The following CADM1 variants were observed in gnomAD, a reference collection of about 807,000 sequenced individuals.
The protein encoded by CADM1 is TSLC-1.
In CADM1, 15 loss-of-function variants were observed where a neutral mutation model predicts 53.1. The observed-to-expected ratio is 0.28, with a 90% CI of 0.19 to 0.44. The LOEUF is 0.44. Ranked by LOEUF, CADM1 falls within the 20% of genes least tolerant of loss-of-function variation. The probability of loss-of-function intolerance (pLI) is 1.00; values close to 1 mark genes in which losing one functional copy is unlikely to be tolerated. For missense variants in CADM1, 434 were observed against 611.3 expected (o/e 0.71, Z 3.06); for synonymous variants, 281 against 243.0 (o/e 1.16, Z -1.45).
At chr11:115,327,242 G>A (rs1483677718) in intron 1 of CADM1, among the ~76,000 whole-genome samples, 2 of 152,054 alleles carry the variant, frequency 1.3e-5, no homozygotes, top group African/African-American at 4.8e-5. Flanking sequence ...ACTTACTTGA[G>A]GTAATAAGCA....
At chr11:115,181,598 G>C (rs577922275) in intron 10 of CADM1, among the ~76,000 whole-genome samples, 54 of 152,110 alleles carry the variant, frequency 3.6e-4, no homozygotes, top group Non-Finnish European at 6.6e-4. Flanking sequence ...TGCCGGTTAC[G>C]AGCGCCTCAC....
At chr11:115,296,812 CTCTTA>C (rs1944090331) in intron 1 of CADM1, among the ~76,000 whole-genome samples, 1 of 152,056 alleles carries the variant, frequency 6.6e-6, no homozygotes, top group Non-Finnish European at 1.5e-5. Context: ...TATAATGTTT[CTCTTA>C]TAATTAATCT....
chr11:115,486,648 A>T (rs1215705175), intron 1 of CADM1, among the ~76,000 whole-genome samples: 2 of 152,140 alleles, frequency 1.3e-5, no homozygotes, highest in African/African-American at 4.8e-5. Context: ...CCTGGCCTTG[A>T]ATTTCATTTA....
chr11:115,445,544 C>T (rs367726384), intron 1 of CADM1, among the ~76,000 whole-genome samples: 12 of 151,958 alleles, frequency 7.9e-5, no homozygotes, highest in African/African-American at 2.9e-4. Flanking sequence ...CCGAAAGTTA[C>T]TAACAAGAAA....
At chr11:115,408,914 T>C (rs181764488) in intron 1 of CADM1, among the ~76,000 whole-genome samples, 67 of 152,278 alleles carry the variant, frequency 4.4e-4, no homozygotes, top group African/African-American at 1.4e-3. Flanking sequence ...TGGAATGAAA[T>C]AGATTTTCGT....
At chr11:115,452,688 A>G (rs1948600719) in intron 1 of CADM1, among the ~76,000 whole-genome samples, 2 of 152,200 alleles carry the variant, frequency 1.3e-5, no homozygotes, top group African/African-American at 4.8e-5. Context: ...TAAAAATAAG[A>G]CCAGCACAAA....
At chr11:115,220,137 G>C (rs1941350896) in intron 5 of CADM1, among the ~76,000 whole-genome samples, 1 of 152,102 alleles carries the variant, frequency 6.6e-6, no homozygotes, top group Non-Finnish European at 1.5e-5. Context: ...AATGCTTGCT[G>C]GCCTATGTGG....
chr11:115,429,181 CAG>C (rs1555083755), intron 1 of CADM1, among the ~76,000 whole-genome samples: 4 of 151,990 alleles, frequency 2.6e-5, no homozygotes, highest in Admixed American at 6.6e-5. Flanking sequence ...AGGGAAAAAG[CAG>C]AGAGCAAAGA....
In CADM1 at chr11:115,220,849, C is replaced by T. The variant is rs45619742; in HGVS notation, c.722-2858G>A. 4.1e-3 allele frequency among the ~76,000 whole-genome samples: 623 copies of T among 152,278 alleles called. 2 individuals are homozygous for T. The highest frequency in any genetic ancestry group is 7.5e-3 in the Admixed American group (114 of 15,288). ...CACTGGCACCTCTAGAACTAAGGGACATTAAATTTTCCATTGAAGAGCCTA... is the reference window on the plus strand; with the variant it reads ...CACTGGCACCTCTAGAACTAAGGGATATTAAATTTTCCATTGAAGAGCCTA... On this transcript the variant is annotated intron_variant, in intron 5 of 11. Transcript: ENST00000331581.
chr11:115,209,623 G>T lies in CADM1; in HGVS notation c.1029C>A (p.Thr343=), dbSNP rs1565299292. The change falls in exon 8 of 12, where the codon ACC becomes ACA. Residue 343 remains threonine, a synonymous_variant. Transcript: ENST00000331581. ...TGGTGGTGGTGGTGGTGGTGGTGGT[G>T]GTTGTTGTGGGAGGAGGGATAGTTG... is the stretch of plus-strand genomic sequence containing the variant. ...PPTTIPPPTT[T]TTTTTTTTTT... The T allele has an allele frequency of 2.5e-6, 4 of 1,609,890 alleles. No homozygotes were observed. Among genetic ancestry groups the T allele is most frequent in the Non-Finnish European group, 2.5e-6 (3 of 1,178,366 alleles).
chr11:115,356,773 A>T (rs890951891), intron 1 of CADM1, among the ~76,000 whole-genome samples: 11 of 152,206 alleles, frequency 7.2e-5, no homozygotes, highest in African/African-American at 2.7e-4. Context: ...TGTTTAATGT[A>T]CTACTATAAA....
In CADM1 at chr11:115,171,111, A is replaced by G. The variant is rs1220610265; in HGVS notation, c.*5363T>C. The G allele has an allele frequency of 6.6e-6, 1 of 152,132 alleles. No individual in the cohort carries two copies. The highest frequency in any genetic ancestry group is 2.4e-5 in the African/African-American group (1 of 41,422). 9.4% of individuals were successfully genotyped at this position (152,132 alleles called of 1,614,324 possible). A position where few individuals can be genotyped will look rare whatever the true frequency, so the allele number is the denominator to read the frequency against. ...AAGAGTCCCTTCTTTCTTCTCCTGT[A>G]CGGGGGGCCAGCGCTTCAAAAACTA... On this transcript the variant is annotated 3_prime_UTR_variant, in exon 12 of 12. Coordinates refer to ENST00000331581, the MANE Select transcript of CADM1 (RefSeq NM_001301043.2).
intron 1 of CADM1, among the ~76,000 whole-genome samples, chr11:115,295,550 A>ATATATATTAT (rs371584699): frequency 2.1e-4 from 11 of 52,992 alleles, no homozygotes; most frequent in East Asian, 1.0e-3. Context: ...ATATATATAT[A>ATATATATTAT]ATATATATGT....
At chr11:115,184,817 T>A (rs1308460873) in intron 10 of CADM1, among the ~76,000 whole-genome samples, 1 of 152,242 alleles carries the variant, frequency 6.6e-6, no homozygotes, top group Non-Finnish European at 1.5e-5. Context: ...AAATTAGAAG[T>A]ACTGCACACA....
intron 6 of CADM1, among the ~76,000 whole-genome samples, chr11:115,215,035 A>G (rs1941119068): frequency 6.6e-6 from 1 of 152,256 alleles, no homozygotes; most frequent in Non-Finnish European, 1.5e-5. Flanking sequence ...CGACAAATCA[A>G]CAAATAAAAC....
At chr11:115,354,268 A>G (rs918478708) in intron 1 of CADM1, among the ~76,000 whole-genome samples, 2 of 152,234 alleles carry the variant, frequency 1.3e-5, no homozygotes, top group African/African-American at 4.8e-5. Flanking sequence ...GACTCTATAA[A>G]TTAAGCATGA....
At chr11:115,338,510 T>C (rs1364324667) in intron 1 of CADM1, among the ~76,000 whole-genome samples, 1 of 152,140 alleles carries the variant, frequency 6.6e-6, no homozygotes, top group Non-Finnish European at 1.5e-5. Flanking sequence ...TTACCTTGAA[T>C]TTACTGTCTT....
chr11:115,266,261 G>C (rs1185961559), intron 1 of CADM1, among the ~76,000 whole-genome samples: 1 of 152,190 alleles, frequency 6.6e-6, no homozygotes, highest in African/African-American at 2.4e-5. Flanking sequence ...TTAACATTAG[G>C]TGGCTTTGAC....
chr11:115,305,832 T>C (rs947665835), intron 1 of CADM1, among the ~76,000 whole-genome samples: 3 of 147,990 alleles, frequency 2.0e-5, no homozygotes, highest in Non-Finnish European at 4.4e-5. Flanking sequence ...GGATATTTAG[T>C]TCTGATCAAA....
Sources: allele counts gnomAD v4.1 joint callset (sites outside exome capture counted in the v4.1 genomes callset), GRCh38; gene constraint gnomAD v4.1.1; transcripts MANE v1.5; gene names NCBI Gene and HGNC (gene_info 2026-07-23, HGNC 2026-07-21).